The following GSTCD variants were observed in gnomAD, a reference collection of about 807,000 sequenced individuals.
GSTCD encodes glutathione S-transferase C-terminal domain-containing protein.
A neutral mutation model predicts 68.3 loss-of-function variants in GSTCD; 44 were observed. The observed-to-expected ratio is 0.64, with a 90% CI of 0.51 to 0.83. The LOEUF is 0.83. Ranked by LOEUF, GSTCD falls within the 40% of genes least tolerant of loss-of-function variation. GSTCD has a pLI of 0.00. For synonymous variants in GSTCD, 273 were observed against 255.2 expected (o/e 1.07, Z -0.67); for missense variants, 739 against 735.9 (o/e 1.00, Z -0.05).
At chr4:105,789,777 A>G (rs761498386) in intron 5 of GSTCD, among the ~76,000 whole-genome samples, 11 of 151,836 alleles carry the variant, frequency 7.2e-5, no homozygotes, top group Non-Finnish European at 1.3e-4. Flanking sequence ...AGGAGGGAGG[A>G]CCATTGGGAA....
chr4:105,842,360 T>C (rs1014593973), intron 11 of GSTCD, among the ~76,000 whole-genome samples: 2 of 152,258 alleles, frequency 1.3e-5, no homozygotes, highest in African/African-American at 4.8e-5. Context: ...GTATTTTGAA[T>C]GTTTGTACAT....
chr4:105,833,154 G>A (rs1723968343), intron 8 of GSTCD, among the ~76,000 whole-genome samples: 1 of 152,132 alleles, frequency 6.6e-6, no homozygotes, highest in Non-Finnish European at 1.5e-5. Flanking sequence ...CAGTTCAAAG[G>A]GGGCATCTGG....
intron 5 of GSTCD, among the ~76,000 whole-genome samples, chr4:105,730,354 C>T (rs1297325444): frequency 6.6e-6 from 1 of 152,174 alleles, no homozygotes; most frequent in Non-Finnish European, 1.5e-5. Context: ...TTTACAGTCC[C>T]ACCAACAGTG....
chr4:105,738,613 A>AT (rs569396315), intron 5 of GSTCD, among the ~76,000 whole-genome samples: 140 of 149,842 alleles, frequency 9.3e-4, no homozygotes, highest in South Asian at 1.7e-3. Flanking sequence ...AGTTAAATTC[A>AT]TTTTTTTTTC....
At chr4:105,833,368 C>T (rs1171856438) in intron 8 of GSTCD, among the ~76,000 whole-genome samples, 2 of 151,706 alleles carry the variant, frequency 1.3e-5, no homozygotes, top group Non-Finnish European at 2.9e-5. Flanking sequence ...GAGGCTGAGG[C>T]AGAAGAATTG....
intron 5 of GSTCD, among the ~76,000 whole-genome samples, chr4:105,797,760 C>CTTTTT (rs70941218): frequency 1.4e-4 from 12 of 84,950 alleles, no homozygotes; most frequent in African/African-American, 4.3e-4. Flanking sequence ...CACAATAGAA[C>CTTTTT]TTTTTTTTTT....
intron 5 of GSTCD, among the ~76,000 whole-genome samples, chr4:105,785,989 A>G (rs556768250): frequency 6.6e-6 from 1 of 152,332 alleles, no homozygotes; most frequent in South Asian, 2.1e-4. Flanking sequence ...AAATAATCCC[A>G]TTTACAACCC....
At chr4:105,782,912 T>C (rs904761267) in intron 5 of GSTCD, among the ~76,000 whole-genome samples, 7 of 152,224 alleles carry the variant, frequency 4.6e-5, no homozygotes, top group African/African-American at 1.7e-4. Context: ...TTTGTGTACA[T>C]ATAATGTATT....
intron 5 of GSTCD, among the ~76,000 whole-genome samples, chr4:105,749,140 C>T (rs1733915667): frequency 6.7e-6 from 1 of 149,552 alleles, no homozygotes; most frequent in Admixed American, 6.7e-5. Context: ...TCAGTGTTAC[C>T]ATCTTCTTAT....
chr4:105,817,151 TAAAC>T (rs768006389), intron 5 of GSTCD, among the ~76,000 whole-genome samples: 1 of 151,926 alleles, frequency 6.6e-6, no homozygotes, highest in African/African-American at 2.4e-5. Context: ...TTGTACTAAT[TAAAC>T]AAACTATATG....
intron 5 of GSTCD, 48 bp downstream of exon 5, chr4:105,729,547 C>T: frequency 8.3e-7 from 1 of 1,211,108 alleles, no homozygotes; most frequent in Non-Finnish European, 1.2e-6. Flanking sequence ...TGGATACTGT[C>T]TTCAGATATG....
At chr4:105,832,667 G>A (rs898596391) in intron 8 of GSTCD, among the ~76,000 whole-genome samples, 1 of 152,068 alleles carries the variant, frequency 6.6e-6, no homozygotes, top group Non-Finnish European at 1.5e-5. Context: ...TCATTTCCTC[G>A]CATCTAAATT....
chr4:105,740,302 G>A (rs533938030), intron 5 of GSTCD, among the ~76,000 whole-genome samples: 1 of 152,038 alleles, frequency 6.6e-6, no homozygotes, highest in East Asian at 2.0e-4. Context: ...CACTACTGGA[G>A]TGAGGACTAT....
intron 5 of GSTCD, among the ~76,000 whole-genome samples, chr4:105,772,330 T>C (rs1432884690): frequency 1.3e-5 from 2 of 152,224 alleles, no homozygotes; most frequent in African/African-American, 4.8e-5. Context: ...ACTTCCTCTC[T>C]TCCTATTTGA....
chr4:105,734,664 C>G (rs1039487478), intron 5 of GSTCD, among the ~76,000 whole-genome samples: 1 of 152,162 alleles, frequency 6.6e-6, no homozygotes, highest in African/African-American at 2.4e-5. Context: ...TTGTCTGAAG[C>G]CTTCTTCTTT....
chr4:105,728,996 G>A (rs898700502), intron 4 of GSTCD, among the ~76,000 whole-genome samples: 7 of 152,078 alleles, frequency 4.6e-5, no homozygotes, highest in East Asian at 3.9e-4. Flanking sequence ...AGGCTGTGGC[G>A]ATTTTCATAT....
chr4:105,759,310 TTTA>T lies in GSTCD; in HGVS notation c.1240+29830_1240+29832del, dbSNP rs958364225. On this transcript the variant is annotated intron_variant, in intron 5 of 11. Coordinates refer to ENST00000515279, the MANE Select transcript of GSTCD (RefSeq NM_001370181.1). Reference sequence around the variant, plus strand: ...TGTGCTAACGGAATTCCCAAGAATATTTATTATTATTATTATTATTAAAAGAAT... The same window carrying T: ...TGTGCTAACGGAATTCCCAAGAATATTTATTATTATTATTATTAAAAGAAT... 4.6e-5 allele frequency among the ~76,000 whole-genome samples: 7 copies of T among 151,722 alleles called. No homozygotes were observed. The South Asian group carries it at 1.0e-3, about 22-fold the overall frequency.
chr4:105,778,194 A>G (rs1735143925), intron 5 of GSTCD, among the ~76,000 whole-genome samples: 1 of 152,158 alleles, frequency 6.6e-6, no homozygotes, highest in Non-Finnish European at 1.5e-5. Flanking sequence ...AACCTACTCA[A>G]TGGGTCGGTT....
chr4:105,726,884 G>T (rs1243127128), intron 4 of GSTCD, 54 bp downstream of exon 4: 1 of 1,352,942 alleles, frequency 7.4e-7, no homozygotes, highest in Admixed American at 2.2e-5. Flanking sequence ...ATATTGCTGA[G>T]CATTCTACTC....
Sources: gnomAD v4.1 joint callset for allele counts (sites outside exome capture counted in the v4.1 genomes callset) on GRCh38, gnomAD v4.1.1 for gene constraint, MANE v1.5 for transcripts, NCBI Gene and HGNC (gene_info 2026-07-23, HGNC 2026-07-21) for gene names.